The following LRP1B variants were observed in gnomAD, a reference collection of about 807,000 sequenced individuals.
LRP1B encodes low-density lipoprotein receptor-related protein 1B.
A neutral mutation model predicts 556.6 loss-of-function variants in LRP1B; 217 were observed. The observed-to-expected ratio is 0.39, with a 90% CI of 0.35 to 0.44. The LOEUF (loss-of-function observed/expected upper bound fraction) is 0.44, where lower values mean the gene tolerates loss of function less well. LRP1B is among the 20% of genes least tolerant of loss of function. The pLI is 1.00. For missense variants in LRP1B, 5,053 were observed against 5,620.8 expected (o/e 0.90, Z 3.23); for synonymous variants, 2,047 against 1,865.8 (o/e 1.10, Z -2.50).
intron 42 of LRP1B, among the ~76,000 whole-genome samples, chr2:140,599,884 G>A (rs2105192653): frequency 6.6e-6 from 1 of 152,066 alleles, no homozygotes; most frequent in Non-Finnish European, 1.5e-5. Context: ...TAAACTTAGA[G>A]AACCTAACTT....
chr2:140,847,881 C>T (rs1692323342), intron 29 of LRP1B, among the ~76,000 whole-genome samples: 1 of 151,886 alleles, frequency 6.6e-6, no homozygotes, highest in Non-Finnish European at 1.5e-5. Context: ...AACATTTTTG[C>T]TCAAATTTTG....
chr2:140,927,948 G>A (rs1285989580), intron 20 of LRP1B, among the ~76,000 whole-genome samples: 1 of 151,624 alleles, frequency 6.6e-6, no homozygotes, highest in Admixed American at 6.6e-5. Context: ...GTTTCACCAT[G>A]TTGTCCAGGC....
At chr2:141,108,147 A>G (rs55640511) in intron 7 of LRP1B, among the ~76,000 whole-genome samples, 11,715 of 152,132 alleles carry the variant, frequency 0.077, 572 homozygotes, top group South Asian at 0.14. Flanking sequence ...CCTCCCAAGA[A>G]GTCCGTGTCA....
intron 3 of LRP1B, among the ~76,000 whole-genome samples, chr2:141,450,580 A>AT (rs1261994604): frequency 6.6e-6 from 1 of 150,906 alleles, no homozygotes; most frequent in Middle Eastern, 3.2e-3. Flanking sequence ...TATTTTAAAA[A>AT]AAAATATATA....
chr2:141,155,913 T>G (rs1343496206), intron 7 of LRP1B, among the ~76,000 whole-genome samples: 1 of 152,174 alleles, frequency 6.6e-6, no homozygotes, highest in Non-Finnish European at 1.5e-5. Context: ...TAATTAAAAG[T>G]TGATGTCAAA....
At chr2:140,420,782 A>G (rs1175007067) in intron 66 of LRP1B, among the ~76,000 whole-genome samples, 3 of 152,324 alleles carry the variant, frequency 2.0e-5, no homozygotes, top group African/African-American at 7.2e-5. Context: ...GTTTTATGTA[A>G]ATGCACAGTA....
At chr2:141,213,041 A>G (rs1682635901) in intron 6 of LRP1B, among the ~76,000 whole-genome samples, 2 of 151,980 alleles carry the variant, frequency 1.3e-5, no homozygotes, top group Admixed American at 1.3e-4. Flanking sequence ...ATCATGGCTC[A>G]CTGCAGCCTC....
chr2:141,813,912 T>C (rs1444219473), intron 1 of LRP1B, among the ~76,000 whole-genome samples: 1 of 152,084 alleles, frequency 6.6e-6, no homozygotes, highest in Non-Finnish European at 1.5e-5. Context: ...GGGCTAGGTT[T>C]GGGGTTTTTA....
intron 3 of LRP1B, among the ~76,000 whole-genome samples, chr2:141,412,601 C>A (rs976819687): frequency 2.0e-5 from 3 of 152,114 alleles, no homozygotes; most frequent in Admixed American, 6.5e-5. Context: ...AGAAAAGTTT[C>A]TACTTGTACT....
chr2:141,224,472 C>G (rs1318761279), intron 6 of LRP1B, among the ~76,000 whole-genome samples: 2 of 152,094 alleles, frequency 1.3e-5, no homozygotes, highest in Non-Finnish European at 2.9e-5. Context: ...CCCGGCAATC[C>G]CATTACTGGG....
rs140155057 is a variant in LRP1B at position 140,334,429 on chromosome 2, T to C, written c.12223+24A>G. ...ATATACTTGTCATTCTGCTTCATAT[T>C]TTAGCGTGTGTCAGAAATCATACCT... On this transcript the variant is annotated intron_variant, in intron 79 of 90. Transcript: ENST00000389484. The C allele has an allele frequency of 8.7e-6, 12 of 1,379,868 alleles. No individual in the cohort carries two copies. In the East Asian group the frequency reaches 2.8e-4, roughly 32 times the overall value. 85.5% of individuals were successfully genotyped at this position (1,379,868 alleles called of 1,614,324 possible).
intron 3 of LRP1B, among the ~76,000 whole-genome samples, chr2:141,467,949 A>G (rs1055570831): frequency 1.3e-5 from 2 of 151,690 alleles, no homozygotes; most frequent in Non-Finnish European, 2.9e-5. Flanking sequence ...GGTTCCCCGT[A>G]TGTTTGTCAT....
Position 142,010,940 on chromosome 2 carries a change from T to A in LRP1B, c.82+119708A>T, listed in dbSNP as rs151119736. Among the ~76,000 whole-genome samples, 482 of 152,330 alleles carry A rather than the reference T, an allele frequency of 3.2e-3. 3 individuals carry two copies. The highest frequency in any genetic ancestry group is 0.011 in the African/African-American group (450 of 41,584). ...GCTCCCTGCTTCATGTATTGTGCTATCTTAATTACGACTCCTTTCTTTTGA... is the reference window on the plus strand; with the variant it reads ...GCTCCCTGCTTCATGTATTGTGCTAACTTAATTACGACTCCTTTCTTTTGA... On this transcript the variant is annotated intron_variant, in intron 1 of 90. Coordinates refer to ENST00000389484, the MANE Select transcript of LRP1B (RefSeq NM_018557.3).
At chr2:141,722,975 G>A (rs542955421) in intron 2 of LRP1B, among the ~76,000 whole-genome samples, 14 of 152,106 alleles carry the variant, frequency 9.2e-5, no homozygotes, top group Non-Finnish European at 1.9e-4. Flanking sequence ...GGTGGCTTGC[G>A]TGTTTTTGCC....
At chr2:142,049,690 T>C (rs1416176556) in intron 1 of LRP1B, among the ~76,000 whole-genome samples, 1 of 152,130 alleles carries the variant, frequency 6.6e-6, no homozygotes, top group East Asian at 1.9e-4. Flanking sequence ...AGAAGCTCTC[T>C]GCCTACCCAT....
At position 140,982,142 on chromosome 2, in the gene LRP1B, G is replaced by A; in HGVS notation, c.2887+18C>T. The A allele has an allele frequency of 6.4e-7, 1 of 1,565,652 alleles. No homozygotes were observed. Among genetic ancestry groups the A allele is most frequent in the Non-Finnish European group, 8.8e-7 (1 of 1,136,632 alleles). On this transcript the variant is annotated intron_variant, in intron 18 of 90. Transcript: ENST00000389484. ...CTGACACAATCTGTAATAATAACAT[G>A]TCTCACTCACAACTTACCACAAGAT...
chr2:140,860,128 T>C (rs1289062870), intron 27 of LRP1B, among the ~76,000 whole-genome samples: 1 of 152,182 alleles, frequency 6.6e-6, no homozygotes. Context: ...AGATTCAGGT[T>C]CCAGAGTCCA....
At chr2:141,574,030 G>A (rs1486673464) in intron 2 of LRP1B, among the ~76,000 whole-genome samples, 2 of 152,102 alleles carry the variant, frequency 1.3e-5, no homozygotes, top group Non-Finnish European at 2.9e-5. Flanking sequence ...AGAGGAGCTG[G>A]TACCATTCCT....
chr2:140,709,758 A>T (rs1328792005), intron 37 of LRP1B, among the ~76,000 whole-genome samples: 1 of 146,828 alleles, frequency 6.8e-6, no homozygotes, highest in Non-Finnish European at 1.5e-5. Flanking sequence ...ATATTAAAGT[A>T]CTGTACTTTA....
Sources: allele counts gnomAD v4.1 joint callset (sites outside exome capture counted in the v4.1 genomes callset), GRCh38; gene constraint gnomAD v4.1.1; transcripts MANE v1.5; gene names NCBI Gene and HGNC (gene_info 2026-07-23, HGNC 2026-07-21).